PCDH15: variants seen among roughly 807,000 people sequenced by gnomAD.
PCDH15 encodes the protein protocadherin-15.
In PCDH15, 129 loss-of-function variants were observed where a neutral mutation model predicts 178.5. The ratio of observed to expected loss-of-function variants is 0.72; its 90% CI spans 0.63 to 0.84. The LOEUF (loss-of-function observed/expected upper bound fraction) is 0.84. Among genes scored for constraint, PCDH15 ranks in the 40% least tolerant of loss-of-function variants. The pLI is 0.00. For missense variants in PCDH15, 2,230 were observed against 2,099.9 expected, an observed-to-expected ratio of 1.06 and a Z score of -1.21; for synonymous variants, 800 against 732.0, an observed-to-expected ratio of 1.09 and a Z score of -1.50.
intron 26 of PCDH15, among the ~76,000 whole-genome samples, chr10:53,873,520 T>C (rs563146243): frequency 6.6e-6 from 1 of 152,340 alleles, no homozygotes; most frequent in South Asian, 2.1e-4. Context: ...AACTTGTTCA[T>C]AATCACACAT....
chr10:55,197,091 C>T (rs906844367), intron 1 of PCDH15, among the ~76,000 whole-genome samples: 1 of 151,888 alleles, frequency 6.6e-6, no homozygotes, highest in East Asian at 1.9e-4. Context: ...GTAAAATAAA[C>T]AAGTACTTCT....
chr10:55,010,766 TC>T, intron 2 of PCDH15, among the ~76,000 whole-genome samples: 1 of 151,578 alleles, frequency 6.6e-6, no homozygotes, highest in East Asian at 2.0e-4. Flanking sequence ...ATAAGTCTCT[TC>T]CCTGCATTTG....
intron 11 of PCDH15, among the ~76,000 whole-genome samples, chr10:54,185,924 G>GA (rs1437899715): frequency 4.6e-5 from 7 of 151,854 alleles, no homozygotes; most frequent in African/African-American, 1.7e-4. Context: ...GAAAAGTCTA[G>GA]AAAAAATGAT....
intron 20 of PCDH15, among the ~76,000 whole-genome samples, chr10:54,005,432 A>G (rs780790359): frequency 6.6e-6 from 1 of 152,190 alleles, no homozygotes; most frequent in Non-Finnish European, 1.5e-5. Context: ...ATTAAACAGA[A>G]TATATAAGCA....
At chr10:54,381,177 C>A (rs561895345) in intron 3 of PCDH15, among the ~76,000 whole-genome samples, 3 of 151,978 alleles carry the variant, frequency 2.0e-5, no homozygotes, top group Admixed American at 6.6e-5. Flanking sequence ...GAGCAATATA[C>A]ATATTTTTTA....
At chr10:54,876,167 A>T (rs1954139400) in intron 3 of PCDH15, among the ~76,000 whole-genome samples, 1 of 152,134 alleles carries the variant, frequency 6.6e-6, no homozygotes, top group Non-Finnish European at 1.5e-5. Context: ...ATAACAATGA[A>T]GCCTGGATGA....
intron 3 of PCDH15, among the ~76,000 whole-genome samples, chr10:54,443,125 G>T (rs935353638): frequency 1.3e-5 from 2 of 151,644 alleles, no homozygotes; most frequent in African/African-American, 4.8e-5. Flanking sequence ...ATCACTGCTA[G>T]CAACTTTCCC....
intron 8 of PCDH15, among the ~76,000 whole-genome samples, chr10:54,290,503 C>T (rs1419600705): frequency 6.6e-6 from 1 of 152,074 alleles, no homozygotes; most frequent in East Asian, 1.9e-4. Flanking sequence ...GGCAAAATAA[C>T]CAGCGAACAT....
intron 5 of PCDH15, among the ~76,000 whole-genome samples, chr10:54,357,189 G>A (rs1159341032): frequency 2.0e-5 from 3 of 152,000 alleles, no homozygotes; most frequent in Admixed American, 6.6e-5. Flanking sequence ...GGAAATAAAG[G>A]GTATTCAATT....
At chr10:55,160,228 T>C (rs1839026347) in intron 2 of PCDH15, among the ~76,000 whole-genome samples, 1 of 151,974 alleles carries the variant, frequency 6.6e-6, no homozygotes, top group South Asian at 2.1e-4. Flanking sequence ...TTGCTTTAAA[T>C]TTGAGCACAA....
intron 2 of PCDH15, among the ~76,000 whole-genome samples, chr10:55,068,540 T>A (rs1841627119): frequency 6.6e-6 from 1 of 152,130 alleles, no homozygotes. Context: ...TCCTTCAGCT[T>A]TGTTTTATTT....
In PCDH15 at chr10:53,809,084, T is replaced by A; in HGVS notation, c.4671+1472A>T. 4 of 1,613,896 alleles carry A rather than the reference T, an allele frequency of 2.5e-6. No homozygotes were observed. The African/African-American group carries it at 5.3e-5, about 22-fold the overall frequency. ...CTTCTTGCAAGCACAATGTTTTTCCTTGCTTTTTCTCCTTCTGACTCTGTG... is the reference window on the plus strand; with the variant it reads ...CTTCTTGCAAGCACAATGTTTTTCCATGCTTTTTCTCCTTCTGACTCTGTG... On this transcript the variant is annotated intron_variant, in intron 37 of 37. Coordinates refer to ENST00000644397, the MANE Select transcript of PCDH15 (RefSeq NM_001384140.1).
intron 2 of PCDH15, among the ~76,000 whole-genome samples, chr10:55,579,497 A>G (rs76728024): frequency 0.014 from 2,203 of 152,216 alleles, 65 homozygotes; most frequent in East Asian, 0.1. Context: ...TAAAATTTTT[A>G]TATGATTTCT....
intron 2 of PCDH15, among the ~76,000 whole-genome samples, chr10:54,986,565 A>C (rs1213458285): frequency 2.0e-5 from 3 of 152,170 alleles, no homozygotes; most frequent in Non-Finnish European, 4.4e-5. Flanking sequence ...AATTATATTA[A>C]TAGATAATGA....
At chr10:55,218,904 T>G (rs149356962) in intron 1 of PCDH15, among the ~76,000 whole-genome samples, 12 of 152,194 alleles carry the variant, frequency 7.9e-5, no homozygotes, top group Admixed American at 2.0e-4. Context: ...AATCATTTTG[T>G]ATTTTTCATA....
chr10:54,303,660 G>A (rs115107535), intron 8 of PCDH15, among the ~76,000 whole-genome samples: 4 of 152,138 alleles, frequency 2.6e-5, no homozygotes, highest in South Asian at 2.1e-4. Context: ...TAAACACTAC[G>A]TGGTATAAAA....
At chr10:55,354,790 G>C (rs138601864) in intron 2 of PCDH15, among the ~76,000 whole-genome samples, 2,758 of 151,942 alleles carry the variant, frequency 0.018, 33 homozygotes, top group South Asian at 0.032. Flanking sequence ...GGAATGTACA[G>C]TTTTATAAAT....
chr10:54,475,728 G>A (rs1589608922), intron 3 of PCDH15, among the ~76,000 whole-genome samples: 1 of 151,656 alleles, frequency 6.6e-6, no homozygotes, highest in African/African-American at 2.4e-5. Flanking sequence ...TAGAAAACTG[G>A]TATCTGTGAT....
At chr10:55,212,923 A>G (rs371998263) in intron 1 of PCDH15, among the ~76,000 whole-genome samples, 3 of 152,102 alleles carry the variant, frequency 2.0e-5, no homozygotes, top group East Asian at 3.9e-4. Flanking sequence ...TATTCAGGGA[A>G]TAGTTTTTAG....
Sources: allele counts gnomAD v4.1 joint callset (sites outside exome capture counted in the v4.1 genomes callset), GRCh38; gene constraint gnomAD v4.1.1; transcripts MANE v1.5; gene names NCBI Gene and HGNC (gene_info 2026-07-23, HGNC 2026-07-21).